Variants in CNTLN observed in about 807,000 individuals in gnomAD.
CNTLN encodes the protein centlein.
Under a neutral mutation model 180.0 loss-of-function variants are expected in CNTLN, and 212 were observed. That is an observed-to-expected ratio of 1.18 (90% CI 1.05 to 1.32). The LOEUF is 1.32. Among genes scored for constraint, CNTLN ranks in the 40% most tolerant of loss-of-function variants. The pLI is 0.00. For missense variants in CNTLN, 2,095 were observed against 1,610.9 expected (o/e 1.30, Z -5.14); for synonymous variants, 722 against 563.1 (o/e 1.28, Z -3.99).
intron 19 of CNTLN, among the ~76,000 whole-genome samples, chr9:17,460,512 G>A (rs113520438): frequency 1.3e-5 from 2 of 151,754 alleles, no homozygotes; most frequent in East Asian, 1.9e-4. Flanking sequence ...TTAACTTCTC[G>A]TCAACCTGGT....
chr9:17,320,993 A>T (rs1186047685), intron 8 of CNTLN, among the ~76,000 whole-genome samples: 2 of 152,176 alleles, frequency 1.3e-5, no homozygotes, highest in Non-Finnish European at 2.9e-5. Context: ...GTATTCTTGC[A>T]ATTATTTATT....
chr9:17,203,799 C>T (rs1408496737), intron 2 of CNTLN, among the ~76,000 whole-genome samples: 1 of 152,196 alleles, frequency 6.6e-6, no homozygotes, highest in African/African-American at 2.4e-5. Context: ...CCTCGTGATC[C>T]ACCCGCCTCG....
intron 6 of CNTLN, among the ~76,000 whole-genome samples, chr9:17,285,111 G>C (rs1029763101): frequency 6.7e-6 from 1 of 148,284 alleles, no homozygotes; most frequent in South Asian, 2.2e-4. Flanking sequence ...CCACTAACTC[G>C]TCATCTAGCA....
At chr9:17,487,519 C>T (rs2499053) in intron 25 of CNTLN, among the ~76,000 whole-genome samples, 12,356 of 152,148 alleles carry the variant, frequency 0.081, 585 homozygotes, top group South Asian at 0.18. Context: ...TGTGTCTTCC[C>T]GCATTCTCTA....
chr9:17,438,733 G>A (rs930039871), intron 18 of CNTLN, among the ~76,000 whole-genome samples: 4 of 152,124 alleles, frequency 2.6e-5, no homozygotes, highest in Admixed American at 2.0e-4. Flanking sequence ...GATAAGCCTG[G>A]GCTAGACATA....
chr9:17,361,180 T>C (rs562329578), intron 12 of CNTLN, among the ~76,000 whole-genome samples: 1 of 152,198 alleles, frequency 6.6e-6, no homozygotes, highest in African/African-American at 2.4e-5. Flanking sequence ...CATTTAGCAT[T>C]AGATATATCT....
intron 2 of CNTLN, among the ~76,000 whole-genome samples, chr9:17,191,876 C>G (rs1264553563): frequency 6.6e-6 from 1 of 152,134 alleles, no homozygotes; most frequent in African/African-American, 2.4e-5. Flanking sequence ...GTTATCAAAA[C>G]TATCTGTGCT....
chr9:17,342,142 A>G (rs1001450399), intron 11 of CNTLN, among the ~76,000 whole-genome samples, 183 bp from the exon 12 acceptor site: 3 of 152,184 alleles, frequency 2.0e-5, no homozygotes, highest in African/African-American at 7.2e-5. Flanking sequence ...TTTAGCTTCA[A>G]AAAATTATGA....
At chr9:17,417,995 G>T (rs1261598280) in intron 18 of CNTLN, among the ~76,000 whole-genome samples, 2 of 151,924 alleles carry the variant, frequency 1.3e-5, no homozygotes, top group African/African-American at 4.8e-5. Flanking sequence ...ACTTTCATAT[G>T]AATTTCTCCC....
downstream of CNTLN, among the ~76,000 whole-genome samples, chr9:17,508,816 G>A (rs552156546): frequency 2.0e-5 from 3 of 152,232 alleles, no homozygotes; most frequent in African/African-American, 2.4e-5. Flanking sequence ...TCATTTACCC[G>A]TCAAAGGACA....
intron 5 of CNTLN, among the ~76,000 whole-genome samples, chr9:17,254,960 GT>G (rs1439664270): frequency 6.6e-6 from 1 of 151,540 alleles, no homozygotes; most frequent in Non-Finnish European, 1.5e-5. Flanking sequence ...TATAATTTCT[GT>G]TAATAATGTT....
chr9:17,410,939 C>A (rs1184502750), intron 16 of CNTLN, among the ~76,000 whole-genome samples: 1 of 152,124 alleles, frequency 6.6e-6, no homozygotes, highest in Non-Finnish European at 1.5e-5. Flanking sequence ...GCATGTTGAA[C>A]AAGTTTCCCA....
At chr9:17,291,393 T>A (rs1162687833) in intron 6 of CNTLN, among the ~76,000 whole-genome samples, 1 of 152,174 alleles carries the variant, frequency 6.6e-6, no homozygotes, top group Admixed American at 6.5e-5. Context: ...TGTCTAATAT[T>A]GACAGTGGGG....
intron 5 of CNTLN, among the ~76,000 whole-genome samples, chr9:17,254,086 T>A (rs983761401): frequency 2.6e-5 from 4 of 151,652 alleles, no homozygotes; most frequent in Admixed American, 6.6e-5. Flanking sequence ...TTTGTTGATT[T>A]GTATATATTG....
chr9:17,174,711 A>G lies in CNTLN; in HGVS notation c.449+31335A>G, dbSNP rs558223120. The stretch of plus-strand genomic sequence containing the variant: ...ACTCCGTCTCAGGAAAAAAAAAAAA[A>G]AAAGAAAGAAATTGCCAAACCGTTT... On this transcript the variant is annotated intron_variant, in intron 2 of 25. Coordinates refer to ENST00000380647, the MANE Select transcript of CNTLN (RefSeq NM_017738.4). 2.2e-4 allele frequency among the ~76,000 whole-genome samples: 33 copies of G among 152,018 alleles called. 2 individuals are homozygous for G. The East Asian group carries it at 3.1e-3, about 14-fold the overall frequency.
chr9:17,273,846 T>C lies in CNTLN; in HGVS notation c.963T>C (p.Asp321=). Residue 321 remains aspartate (D), a synonymous_variant, in exon 6 of 26, where the codon GAT becomes GAC. Transcript: ENST00000380647. ...SNKQTELIQK[D]MDITLVRKEL... ...AACAGACTGAACTTATCCAGAAGGA[T>C]ATGGATATTACCCTGGTCAGGCAAG... The C allele has an allele frequency of 6.4e-7, 1 of 1,565,592 alleles. No individual in the cohort carries two copies. Among genetic ancestry groups the C allele is most frequent in the Non-Finnish European group, 8.6e-7 (1 of 1,160,260 alleles).
At chr9:17,394,177 T>G (rs995670812) in intron 14 of CNTLN, among the ~76,000 whole-genome samples, 1 of 152,200 alleles carries the variant, frequency 6.6e-6, no homozygotes, top group African/African-American at 2.4e-5. Context: ...ACAGTTTATC[T>G]ACTTTTAGAC....
At chr9:17,337,463 T>C (rs1821129307) in intron 10 of CNTLN, among the ~76,000 whole-genome samples, 2 of 152,318 alleles carry the variant, frequency 1.3e-5, no homozygotes, top group East Asian at 3.9e-4. Flanking sequence ...GAGCCACTTA[T>C]TGAAATTACT....
chr9:17,393,217 A>G (rs1331964712), intron 14 of CNTLN, among the ~76,000 whole-genome samples: 1 of 152,018 alleles, frequency 6.6e-6, no homozygotes, highest in African/African-American at 2.4e-5. Flanking sequence ...CACCCTCATG[A>G]TCCAATCACC....
Sources: gnomAD v4.1 joint callset for allele counts (sites outside exome capture counted in the v4.1 genomes callset) on GRCh38, gnomAD v4.1.1 for gene constraint, MANE v1.5 for transcripts, NCBI Gene and HGNC (gene_info 2026-07-23, HGNC 2026-07-21) for gene names.